Variants in SLC8A3 observed in about 807,000 individuals in gnomAD.
The protein encoded by SLC8A3 is solute carrier family 8 member A3.
Under a neutral mutation model 65.4 loss-of-function variants are expected in SLC8A3, and 37 were observed. The observed-to-expected ratio is 0.57, with a 90% CI of 0.44 to 0.74. The LOEUF is 0.74. SLC8A3 is among the 30% of genes least tolerant of loss of function. The pLI, the probability that SLC8A3 is intolerant of heterozygous loss-of-function variation, is 0.00. For synonymous variants in SLC8A3, 461 were observed against 444.5 expected, an observed-to-expected ratio of 1.04 and a Z score of -0.47; for missense variants, 1,112 against 1,172.1, an observed-to-expected ratio of 0.95 and a Z score of 0.75.
chr14:70,059,074 C>CT (rs1282586562), intron 3 of SLC8A3: 4 of 152,234 alleles, frequency 2.6e-5, no homozygotes, highest in Non-Finnish European at 5.9e-5. Context: ...TCTTCCAGCA[C>CT]TTTTTGGCAG....
chr14:70,141,192 G>C (rs1895549648), intron 2 of SLC8A3, among the ~76,000 whole-genome samples: 1 of 152,168 alleles, frequency 6.6e-6, no homozygotes, highest in Non-Finnish European at 1.5e-5. Flanking sequence ...TTGGTTTGTT[G>C]GTGGGTTAGT....
chr14:70,185,049 C>T (rs1883079711), intron 1 of SLC8A3, among the ~76,000 whole-genome samples: 1 of 149,416 alleles, frequency 6.7e-6, no homozygotes, highest in Admixed American at 6.7e-5. Flanking sequence ...TCACTGCAAC[C>T]TCTGCCTCCC....
intron 2 of SLC8A3, among the ~76,000 whole-genome samples, chr14:70,064,988 G>A (rs905537734): frequency 3.3e-5 from 5 of 152,088 alleles, no homozygotes; most frequent in African/African-American, 1.2e-4. Flanking sequence ...CGGTGGGTGT[G>A]AGACACTGCT....
chr14:70,067,273 T>C (rs181878252), intron 2 of SLC8A3, among the ~76,000 whole-genome samples: 117 of 152,312 alleles, frequency 7.7e-4, no homozygotes, highest in African/African-American at 2.8e-3. Flanking sequence ...ATGGCTACCT[T>C]ATCTAGAGGA....
intron 6 of SLC8A3, chr14:70,047,562 A>T (rs527909772): frequency 1.3e-5 from 2 of 152,370 alleles, no homozygotes; most frequent in South Asian, 4.1e-4. Flanking sequence ...CTAATGGACA[A>T]ATAATACCGC....
intron 2 of SLC8A3, among the ~76,000 whole-genome samples, chr14:70,131,266 AG>A (rs1894813933): frequency 6.6e-6 from 1 of 152,220 alleles, no homozygotes. Flanking sequence ...AGAGACTGTG[AG>A]ACATTCAGTT....
chr14:70,086,649 C>T (rs1891467308), intron 2 of SLC8A3, among the ~76,000 whole-genome samples: 1 of 151,966 alleles, frequency 6.6e-6, no homozygotes, highest in South Asian at 2.1e-4. Flanking sequence ...AGTGGTCTGC[C>T]CCCCTCAGCC....
chr14:70,045,638 C>T lies in SLC8A3; in HGVS notation c.*309G>A, dbSNP rs1050460382. 3.1e-5 allele frequency: 8 copies of T among 255,214 alleles called. No homozygotes were observed. Among genetic ancestry groups the T allele is most frequent in the Admixed American group, 1.9e-4 (4 of 20,528 alleles). The allele number at this position is 255,214 out of a possible 1,614,324, so 15.8% of individuals were successfully genotyped here. ...AATCAAAAGATGGAATAGAAGGAGG[C>T]GAAAGGCTCTGACCTTTGCTTTGGG... On this transcript the variant is annotated 3_prime_UTR_variant, in exon 7 of 7. Coordinates refer to ENST00000356921, the MANE Select transcript of SLC8A3 (RefSeq NM_182932.3).
chr14:70,181,463 CGCA>C (rs1882743196), intron 1 of SLC8A3, among the ~76,000 whole-genome samples: 1 of 94,678 alleles, frequency 1.1e-5, no homozygotes. Flanking sequence ...GTAAGCCACA[CGCA>C]AAAAAAAAAA....
chr14:70,143,180 C>T (rs1895688231), intron 2 of SLC8A3, among the ~76,000 whole-genome samples: 1 of 152,092 alleles, frequency 6.6e-6, no homozygotes, highest in African/African-American at 2.4e-5. Context: ...ATGGCTGTTG[C>T]CTGTAGATGC....
chr14:70,172,602 C>T (rs558385898), intron 1 of SLC8A3, among the ~76,000 whole-genome samples: 1 of 152,062 alleles, frequency 6.6e-6, no homozygotes, highest in South Asian at 2.1e-4. Flanking sequence ...AATATTCTTC[C>T]CATCAGTTCA....
chr14:70,188,546 C>G lies in SLC8A3; in HGVS notation c.-230G>C, dbSNP rs1165844461. On this transcript the variant is annotated 5_prime_UTR_variant, in exon 1 of 7. Transcript: ENST00000356921. ...CATGTCAGTCCGCCGCCGCCGCCCT[C>G]CCGCCGGGGTTCGTGGGCTCGCAGC... The G allele has an allele frequency of 6.6e-6, 1 of 152,110 alleles. No homozygotes were observed. Among genetic ancestry groups the G allele is most frequent in the Non-Finnish European group, 1.5e-5 (1 of 68,020 alleles). 9.4% of individuals were successfully genotyped at this position (152,110 alleles called of 1,614,324 possible).
At chr14:70,086,879 T>A (rs994380866) in intron 2 of SLC8A3, among the ~76,000 whole-genome samples, 1 of 152,174 alleles carries the variant, frequency 6.6e-6, no homozygotes, top group Non-Finnish European at 1.5e-5. Flanking sequence ...TGCATCCACC[T>A]CTTTCTGAGA....
At chr14:70,146,928 T>A (rs1164727964) in intron 2 of SLC8A3, among the ~76,000 whole-genome samples, 1 of 152,202 alleles carries the variant, frequency 6.6e-6, no homozygotes, top group Non-Finnish European at 1.5e-5. Flanking sequence ...TGAATCAACG[T>A]ATATATTAAA....
chr14:70,182,238 T>G (rs543090748), intron 1 of SLC8A3, among the ~76,000 whole-genome samples: 1 of 152,120 alleles, frequency 6.6e-6, no homozygotes, highest in South Asian at 2.1e-4. Flanking sequence ...GATGTCAGGT[T>G]AGTAAAAATT....
chr14:70,149,191 C>T (rs946116527), intron 2 of SLC8A3, among the ~76,000 whole-genome samples: 2 of 152,178 alleles, frequency 1.3e-5, no homozygotes, highest in Non-Finnish European at 1.5e-5. Flanking sequence ...AGGAAACTGC[C>T]TTGCTTAGGT....
intron 1 of SLC8A3, among the ~76,000 whole-genome samples, chr14:70,178,323 A>G (rs139621336): frequency 1.5e-3 from 234 of 152,324 alleles, no homozygotes; most frequent in African/African-American, 5.5e-3. Context: ...CCAGACTGTG[A>G]TAAGCTCTGA....
chr14:70,168,979 A>G (rs1897331627), intron 1 of SLC8A3, among the ~76,000 whole-genome samples: 1 of 152,174 alleles, frequency 6.6e-6, no homozygotes, highest in Admixed American at 6.5e-5. Flanking sequence ...GCTCTGTTTA[A>G]TGTATACATA....
At chr14:70,053,830 G>A (rs1387640692) in intron 3 of SLC8A3, among the ~76,000 whole-genome samples, 3 of 152,106 alleles carry the variant, frequency 2.0e-5, no homozygotes. Context: ...AATTGATTGA[G>A]TCACATGCCT....
Sources: allele counts gnomAD v4.1 joint callset (sites outside exome capture counted in the v4.1 genomes callset), GRCh38; gene constraint gnomAD v4.1.1; transcripts MANE v1.5; gene names NCBI Gene and HGNC (gene_info 2026-07-23, HGNC 2026-07-21).